PPP1R21: variants seen among roughly 807,000 people sequenced by gnomAD.
PPP1R21 encodes KLRAQ motif containing 1.
In PPP1R21, 85 loss-of-function variants were observed where a neutral mutation model predicts 112.8. That is an observed-to-expected ratio of 0.75 (90% CI 0.63 to 0.90). PPP1R21 has a LOEUF of 0.90. Ranked by LOEUF, PPP1R21 falls within the 40% of genes least tolerant of loss-of-function variation. The probability of loss-of-function intolerance (pLI) is 0.00; values close to 1 mark genes in which losing one functional copy is unlikely to be tolerated. For missense variants in PPP1R21, 1,199 were observed against 901.5 expected (o/e 1.33, Z -4.23); for synonymous variants, 381 against 322.3 (o/e 1.18, Z -1.95).
chr2:48,487,195 A>G (rs1669340251), intron 14 of PPP1R21, among the ~76,000 whole-genome samples: 1 of 152,342 alleles, frequency 6.6e-6, no homozygotes, highest in African/African-American at 2.4e-5. Flanking sequence ...GGTCTGCCAT[A>G]TAGAACACTG....
At chr2:48,480,751 C>A (rs536640364) in intron 13 of PPP1R21, among the ~76,000 whole-genome samples, 2 of 152,162 alleles carry the variant, frequency 1.3e-5, no homozygotes, top group African/African-American at 2.4e-5. Flanking sequence ...TGGAAATAGT[C>A]CAGGTGCCTG....
intron 1 of PPP1R21, among the ~76,000 whole-genome samples, chr2:48,443,449 G>A (rs1386306330): frequency 6.6e-6 from 1 of 152,218 alleles, no homozygotes; most frequent in African/African-American, 2.4e-5. Flanking sequence ...CTAAAAGTCA[G>A]GACAAAGGCT....
intron 13 of PPP1R21, among the ~76,000 whole-genome samples, chr2:48,482,581 G>T (rs893005569): frequency 8.6e-5 from 13 of 151,174 alleles, no homozygotes; most frequent in Non-Finnish European, 1.9e-4. Flanking sequence ...CATTTTGGAG[G>T]TATTCCCAGA....
chr2:48,462,864 C>G (rs1009205345), intron 7 of PPP1R21, among the ~76,000 whole-genome samples: 3 of 152,040 alleles, frequency 2.0e-5, no homozygotes, highest in African/African-American at 7.2e-5. Context: ...TTTTGGCGTA[C>G]TATTGTGGAG....
chr2:48,468,145 C>T (rs759708846), intron 9 of PPP1R21, among the ~76,000 whole-genome samples: 2 of 152,176 alleles, frequency 1.3e-5, no homozygotes, highest in African/African-American at 4.8e-5. Context: ...TCTGCGCTTC[C>T]GTTTTCTCAT....
At chr2:48,504,314 A>G (rs768018833) in intron 17 of PPP1R21, among the ~76,000 whole-genome samples, 3 of 152,236 alleles carry the variant, frequency 2.0e-5, no homozygotes, top group Non-Finnish European at 4.4e-5. Flanking sequence ...AGTGTTCAGA[A>G]CAATACTCCA....
intron 2 of PPP1R21, among the ~76,000 whole-genome samples, chr2:48,453,358 T>G (rs1251289932): frequency 6.6e-6 from 1 of 152,200 alleles, no homozygotes; most frequent in Non-Finnish European, 1.5e-5. Flanking sequence ...TATTTTTTTA[T>G]TTTCTATTTT....
At chr2:48,477,334 TG>T (rs1449117681) in intron 12 of PPP1R21, among the ~76,000 whole-genome samples, 1 of 152,064 alleles carries the variant, frequency 6.6e-6, no homozygotes. Context: ...TTGGCCAGGC[TG>T]GTCTCGAACT....
intron 3 of PPP1R21, among the ~76,000 whole-genome samples, chr2:48,455,824 C>G (rs1025087708): frequency 6.6e-6 from 1 of 151,892 alleles, no homozygotes; most frequent in Non-Finnish European, 1.5e-5. Flanking sequence ...ACCATCCTGG[C>G]TAACATGGTG....
chr2:48,452,277 G>T (rs1014792520), intron 2 of PPP1R21, among the ~76,000 whole-genome samples: 2 of 152,126 alleles, frequency 1.3e-5, no homozygotes, highest in African/African-American at 4.8e-5. Flanking sequence ...AGTGGTAGGC[G>T]TGGTGACAGC....
At chr2:48,481,009 G>A (rs1402179128) in intron 13 of PPP1R21, among the ~76,000 whole-genome samples, 1 of 152,080 alleles carries the variant, frequency 6.6e-6, no homozygotes, top group African/African-American at 2.4e-5. Context: ...TTTTTTCTGA[G>A]GTTCAGTTTC....
intron 1 of PPP1R21, among the ~76,000 whole-genome samples, chr2:48,450,074 G>A (rs572155662): frequency 2.6e-5 from 4 of 152,010 alleles, no homozygotes; most frequent in African/African-American, 9.7e-5. Context: ...ATTTAAAATA[G>A]CGTTATTTCT....
chr2:48,460,110 C>G lies in PPP1R21; in HGVS notation c.556C>G (p.Leu186Val). The change falls in exon 6 of 22, where the codon CTA (leucine) becomes GTA (valine). Residue 186 changes from leucine to valine, a missense_variant. Coordinates refer to ENST00000294952, the MANE Select transcript of PPP1R21 (RefSeq NM_001135629.3). The part of the protein sequence containing the change: ...KAKLEVKSQT[L>V]EKEAKECRLR... ...TGAAATTCAGGTGAAATCTCAGACT[C>G]TAGAAAAGGAAGCCAAGGAATGTCG... The G allele has an allele frequency of 6.2e-6, 10 of 1,614,028 alleles. No individual in the cohort carries two copies. Among genetic ancestry groups the G allele is most frequent in the South Asian group, 1.1e-5 (1 of 91,060 alleles).
At chr2:48,498,159 G>A (rs995804463) in intron 16 of PPP1R21, among the ~76,000 whole-genome samples, 12 of 150,880 alleles carry the variant, frequency 8.0e-5, no homozygotes, top group Non-Finnish European at 3.0e-5. Flanking sequence ...CTATCTTATT[G>A]GTTTGCAAAA....
chr2:48,458,326 T>C, intron 4 of PPP1R21, 99 bp downstream of exon 4: 1 of 688,286 alleles, frequency 1.5e-6, no homozygotes, highest in Non-Finnish European at 2.6e-6. Flanking sequence ...TCTGCGTGGG[T>C]ATTTTAATGT....
intron 12 of PPP1R21, among the ~76,000 whole-genome samples, chr2:48,477,340 C>T (rs948826320): frequency 3.3e-5 from 5 of 151,902 alleles, no homozygotes; most frequent in African/African-American, 7.3e-5. Flanking sequence ...AGGCTGGTCT[C>T]GAACTCCTAG....
intron 17 of PPP1R21, among the ~76,000 whole-genome samples, chr2:48,500,486 G>T (rs1049508720): frequency 3.3e-5 from 5 of 151,400 alleles, no homozygotes; most frequent in African/African-American, 4.9e-5. Context: ...GAGGTATGGG[G>T]GGAAAAAACC....
At chr2:48,443,110 C>T (rs1444500995) in intron 1 of PPP1R21, among the ~76,000 whole-genome samples, 2 of 152,102 alleles carry the variant, frequency 1.3e-5, no homozygotes, top group East Asian at 1.9e-4. Flanking sequence ...TGCTTTTCAG[C>T]TTTCCTTTTT....
At chr2:48,487,712 G>T (rs909083357) in intron 14 of PPP1R21, among the ~76,000 whole-genome samples, 1 of 149,912 alleles carries the variant, frequency 6.7e-6, no homozygotes, top group Non-Finnish European at 1.5e-5. Flanking sequence ...AGTGAGCCGT[G>T]TGTGAGCCAC....
Sources: allele counts gnomAD v4.1 joint callset (sites outside exome capture counted in the v4.1 genomes callset), GRCh38; gene constraint gnomAD v4.1.1; transcripts MANE v1.5; gene names NCBI Gene and HGNC (gene_info 2026-07-23, HGNC 2026-07-21).